OGFOD1: variants seen among roughly 807,000 people sequenced by gnomAD.
OGFOD1 encodes 2-oxoglutarate and iron dependent oxygenase domain containing 1, also known as prolyl 3-hydroxylase OGFOD1.
OGFOD1 carries 54 observed loss-of-function variants against 67.7 expected under a neutral mutation model. The observed-to-expected ratio is 0.80, with a 90% CI of 0.64 to 1.00. The LOEUF (loss-of-function observed/expected upper bound fraction) is 1.00, where lower values mean the gene tolerates loss of function less well. Among genes scored for constraint, OGFOD1 ranks in the 50% least tolerant of loss-of-function variants. OGFOD1 has a pLI of 0.00. For synonymous variants in OGFOD1, 221 were observed against 227.0 expected, an observed-to-expected ratio of 0.97 and a Z score of 0.24; for missense variants, 606 against 646.7, an observed-to-expected ratio of 0.94 and a Z score of 0.68.
At chr16:56,456,502 C>T (rs1288214112) in intron 2 of OGFOD1, among the ~76,000 whole-genome samples, 6 of 152,180 alleles carry the variant, frequency 3.9e-5, no homozygotes, top group South Asian at 2.1e-4. Context: ...TTGATCTTTC[C>T]GAGGGCTCAG....
intron 8 of OGFOD1, among the ~76,000 whole-genome samples, chr16:56,468,275 C>T (rs1016230319): frequency 6.6e-6 from 1 of 152,166 alleles, no homozygotes; most frequent in Non-Finnish European, 1.5e-5. Context: ...CAAGCTTCCA[C>T]CCTGAAAAGG....
rs1360765768 is a variant in OGFOD1, at chr16:56,476,439, T to G, written c.*234T>G. 2.9e-6 allele frequency: 1 copy of G among 343,506 alleles called. No individual in the cohort carries two copies. Among genetic ancestry groups the G allele is most frequent in the African/African-American group, 2.1e-5 (1 of 47,098 alleles). The allele number at this position is 343,506 out of a possible 1,614,324, so 21.3% of individuals were successfully genotyped here. A position where few individuals can be genotyped will look rare whatever the true frequency, so the allele number is the denominator to read the frequency against. ...AAGTTGGCTTTTTTTTTTTTAACAT[T>G]TAGTCCTTTTTCCATATTGGCTTCT... On this transcript the variant is annotated 3_prime_UTR_variant, in exon 13 of 13. Coordinates refer to ENST00000566157, the MANE Select transcript of OGFOD1 (RefSeq NM_018233.4).
At chr16:56,473,221 C>T (rs1567555745) in intron 10 of OGFOD1, among the ~76,000 whole-genome samples, 1 of 152,130 alleles carries the variant, frequency 6.6e-6, no homozygotes, top group Non-Finnish European at 1.5e-5. Context: ...TGAGCCACCA[C>T]GCCTGGCCAC....
chr16:56,467,066 TTGTTTTAATGC>T, intron 6 of OGFOD1, 88 bp from the exon 7 acceptor site: 2 of 1,562,278 alleles, frequency 1.3e-6, no homozygotes, highest in Non-Finnish European at 1.8e-6. Context: ...TTATCTGATG[TTGTTTTAATGC>T]TTAGCATGGA....
intron 3 of OGFOD1, among the ~76,000 whole-genome samples, chr16:56,460,022 A>G (rs1962660747): frequency 6.6e-6 from 1 of 152,102 alleles, no homozygotes; most frequent in South Asian, 2.1e-4. Context: ...CAGTACTTCC[A>G]TGTATTATAG....
chr16:56,452,647 A>G (rs1239551632), intron 1 of OGFOD1, among the ~76,000 whole-genome samples: 4 of 152,076 alleles, frequency 2.6e-5, no homozygotes, highest in African/African-American at 9.7e-5. Context: ...GAATGGGGAG[A>G]GTGATAATGT....
At position 56,476,176 on chromosome 16, in the gene OGFOD1, T is replaced by C; in HGVS notation, c.1600T>C (p.Trp534Arg). 1 of 1,612,536 alleles carries C rather than the reference T, an allele frequency of 6.2e-7. No homozygotes were observed. Among genetic ancestry groups the C allele is most frequent in the Non-Finnish European group, 8.5e-7 (1 of 1,179,914 alleles). The change falls in exon 13 of 13, where the codon TGG becomes CGG. Residue 534 changes from tryptophan to arginine, a missense_variant. Physicochemically the swap from Trp to Arg is moderately radical, Grantham distance 101. Transcript: ENST00000566157. The stretch of plus-strand genomic sequence containing the variant: ...AACCTTCCCAAACAGAACAGGTTTC[T>C]GGGACTTTTCATTCATCTATTATGA... ...KKTFPNRTGF[W>R]DFSFIYYE
At chr16:56,457,657 G>A (rs910466874) in intron 2 of OGFOD1, among the ~76,000 whole-genome samples, 4 of 151,034 alleles carry the variant, frequency 2.6e-5, no homozygotes, top group African/African-American at 4.9e-5. Context: ...CAAAGCCAAA[G>A]TACTTAAAAT....
chr16:56,454,662 A>T (rs926723395), intron 2 of OGFOD1: 2 of 346,830 alleles, frequency 5.8e-6, no homozygotes, highest in Non-Finnish European at 1.1e-5. Context: ...GGAAAAAAAA[A>T]AGAAAGATTA....
intron 5 of OGFOD1, 78 bp downstream of exon 5, chr16:56,466,346 T>A (rs1229511005): frequency 4.5e-6 from 4 of 888,910 alleles, no homozygotes; most frequent in Non-Finnish European, 5.6e-6. Context: ...AGTATCATGT[T>A]TTTGTATACA....
rs1331607108 is a variant in OGFOD1, at chr16:56,466,887, C to A, written c.577C>A (p.Pro193Thr). ...DLYSIDEHFQ[P>T]KQIVKSLIPS... ...CTTTCCTGGTGCAGAACACTTTCAG[C>A]CGAAGCAGATTGTCAAGTCTCTTAT... Residue 193 changes from proline to threonine, a missense_variant, in exon 6 of 13, where the codon CCG (proline) becomes ACG (threonine). Coordinates refer to ENST00000566157, the MANE Select transcript of OGFOD1 (RefSeq NM_018233.4). 3 of 1,612,676 alleles carry A rather than the reference C, an allele frequency of 1.9e-6. No homozygotes were observed. Among genetic ancestry groups the A allele is most frequent in the Non-Finnish European group, 2.5e-6 (3 of 1,178,766 alleles).
Position 56,470,754 on chromosome 16 carries a change from G to T in OGFOD1, c.1248G>T (p.Gln416His). 6.2e-7 allele frequency: 1 copy of T among 1,610,794 alleles called. No individual in the cohort carries two copies. The highest frequency in any genetic ancestry group is 2.2e-5 in the East Asian group (1 of 44,842). ...ISNNSQQSNE[Q>H]TDPEPEENET... The stretch of plus-strand genomic sequence containing the variant: ...ACAACAGCCAACAGAGCAATGAGCA[G>T]ACAGACCCAGAGCCAGAGGAAAATG... The change falls in exon 10 of 13, where the codon CAG becomes CAT. Residue 416 changes from glutamine to histidine, a missense_variant. By Grantham distance (24) the Gln-to-His change is conservative (BLOSUM62 0). Coordinates refer to ENST00000566157, the MANE Select transcript of OGFOD1 (RefSeq NM_018233.4).
intron 2 of OGFOD1, among the ~76,000 whole-genome samples, chr16:56,455,675 A>G (rs576816790): frequency 5.9e-4 from 90 of 152,300 alleles, no homozygotes; most frequent in African/African-American, 2.0e-3. Context: ...CAACTCTGTC[A>G]TTAGGACTTG....
chr16:56,467,103 T>C lies in OGFOD1; in HGVS notation c.658-62T>C, dbSNP rs573331458. 8.7e-6 allele frequency: 14 copies of C among 1,607,994 alleles called. 1 individual carries two copies. In the East Asian group the frequency reaches 1.6e-4, roughly 18 times the overall value. On this transcript the variant is annotated intron_variant, in intron 6 of 12. Coordinates refer to ENST00000566157, the MANE Select transcript of OGFOD1 (RefSeq NM_018233.4). ...TTAGCATGGAGGACCCTGAAATTAA[T>C]GTGCATTGGCGGTAATCCCCCTATT...
intron 11 of OGFOD1, among the ~76,000 whole-genome samples, chr16:56,475,201 A>T (rs1446855334): frequency 6.6e-6 from 1 of 152,194 alleles, no homozygotes; most frequent in Non-Finnish European, 1.5e-5. Flanking sequence ...GTGCTCCCAG[A>T]TCTATAGATT....
chr16:56,456,503 G>A (rs566340062), intron 2 of OGFOD1, among the ~76,000 whole-genome samples: 10 of 152,148 alleles, frequency 6.6e-5, no homozygotes, highest in South Asian at 2.1e-4. Flanking sequence ...TGATCTTTCC[G>A]AGGGCTCAGG....
intron 2 of OGFOD1, among the ~76,000 whole-genome samples, chr16:56,457,618 G>A (rs1353641271): frequency 6.7e-6 from 1 of 148,430 alleles, no homozygotes; most frequent in Non-Finnish European, 1.5e-5. Context: ...TCTTTTTTTT[G>A]CTTCAGAAAT....
intron 7 of OGFOD1, 97 bp downstream of exon 7, chr16:56,467,390 C>T: frequency 7.6e-7 from 1 of 1,315,578 alleles, no homozygotes; most frequent in Non-Finnish European, 1.1e-6. Flanking sequence ...GAAACTGGAC[C>T]TTGAGCTTGC....
At position 56,452,559 on chromosome 16, in the gene OGFOD1, G is replaced by A. The variant is rs544756611; in HGVS notation, c.155-704G>A. The stretch of plus-strand genomic sequence containing the variant: ...CAAGTGCTTTGAAGAGGTGAGTCCT[G>A]GGTAGGCTGGATGCCTATAGAAAAC... On this transcript the variant is annotated intron_variant, in intron 1 of 12. Transcript: ENST00000566157. Among the ~76,000 whole-genome samples, 4 of 152,312 alleles carry A rather than the reference G, an allele frequency of 2.6e-5. No homozygotes were observed. The East Asian group carries it at 7.7e-4, about 29-fold the overall frequency.
Sources: gnomAD v4.1 joint callset for allele counts (sites outside exome capture counted in the v4.1 genomes callset) on GRCh38, gnomAD v4.1.1 for gene constraint, MANE v1.5 for transcripts, NCBI Gene and HGNC (gene_info 2026-07-23, HGNC 2026-07-21) for gene names.